The following GNG7 variants were observed in gnomAD, a reference collection of about 807,000 sequenced individuals.
GNG7 encodes the protein guanine nucleotide-binding protein G(I)/G(S)/G(O) subunit gamma-7.
In GNG7, 1 loss-of-function variant was observed where a neutral mutation model predicts 4.0. The ratio of observed to expected loss-of-function variants is 0.25; its 90% CI spans 0.09 to 1.18. The LOEUF (loss-of-function observed/expected upper bound fraction) is 1.18. GNG7 is among the 50% of genes most tolerant of loss of function. GNG7 has a pLI of 0.50. For synonymous variants in GNG7, 34 were observed against 36.9 expected (o/e 0.92, Z 0.29); for missense variants, 86 against 91.9 (o/e 0.94, Z 0.26).
At chr19:2,581,144 T>C (rs1325315792) in intron 2 of GNG7, among the ~76,000 whole-genome samples, 3 of 152,006 alleles carry the variant, frequency 2.0e-5, no homozygotes, top group Non-Finnish European at 4.4e-5. Flanking sequence ...AAGACTTCCA[T>C]GAACGCTGTG....
At chr19:2,657,361 A>AAAAAAATATATATAT (rs1555701153) in intron 1 of GNG7, among the ~76,000 whole-genome samples, 1 of 16,322 alleles carries the variant, frequency 6.1e-5, no homozygotes, top group Non-Finnish European at 1.0e-4. Context: ...AAAAAAAAAA[A>AAAAAAATATATATAT]ATATATATAT....
At chr19:2,561,774 G>A (rs1303175675) in intron 2 of GNG7, among the ~76,000 whole-genome samples, 6 of 151,580 alleles carry the variant, frequency 4.0e-5, no homozygotes, top group Non-Finnish European at 8.8e-5. Flanking sequence ...CCAGCTACTC[G>A]GGAGGCTGAG....
At chr19:2,585,115 A>G (rs1016561613) in intron 2 of GNG7, among the ~76,000 whole-genome samples, 2 of 64,776 alleles carry the variant, frequency 3.1e-5, no homozygotes, top group Non-Finnish European at 5.3e-5. Flanking sequence ...AAGGAAGGAA[A>G]GAAGGTAGGA....
intron 1 of GNG7, among the ~76,000 whole-genome samples, chr19:2,663,940 G>A (rs1376960203): frequency 6.6e-6 from 1 of 152,144 alleles, no homozygotes; most frequent in Non-Finnish European, 1.5e-5. Context: ...TCCAGGCCAG[G>A]AGCACCCCCA....
At chr19:2,679,618 A>AG (rs1213620077) in intron 1 of GNG7, among the ~76,000 whole-genome samples, 2 of 152,172 alleles carry the variant, frequency 1.3e-5, no homozygotes, top group Non-Finnish European at 2.9e-5. Context: ...TACATTCCAG[A>AG]AAACTCTAGA....
At chr19:2,529,580 A>C (rs1280675307) in intron 3 of GNG7, among the ~76,000 whole-genome samples, 1 of 152,178 alleles carries the variant, frequency 6.6e-6, no homozygotes, top group Non-Finnish European at 1.5e-5. Flanking sequence ...TCTGAGCCAT[A>C]GGGTAAAGGT....
At chr19:2,598,448 G>C (rs28463565) in intron 2 of GNG7, among the ~76,000 whole-genome samples, 2,451 of 151,194 alleles carry the variant, frequency 0.016, 86 homozygotes, top group African/African-American at 0.056. Flanking sequence ...ACGAGGTCAG[G>C]AGATCGAGAC....
chr19:2,624,561 GAAAA>G (rs1981967913), intron 2 of GNG7, among the ~76,000 whole-genome samples: 2 of 150,970 alleles, frequency 1.3e-5, no homozygotes, highest in African/African-American at 2.4e-5. Flanking sequence ...AAGAAAAAAA[GAAAA>G]GAAAGAAAGA....
rs748111375 is a variant in GNG7 at position 2,511,974 on chromosome 19, C to A, written c.*3048G>T. 1.4e-5 allele frequency: 14 copies of A among 985,748 alleles called. No individual in the cohort carries two copies. The highest frequency in any genetic ancestry group is 1.7e-5 in the Non-Finnish European group (14 of 829,966). The allele number at this position is 985,748 out of a possible 1,614,324, so 61.1% of individuals were successfully genotyped here. A position where few individuals can be genotyped will look rare whatever the true frequency, so the allele number is the denominator to read the frequency against. The stretch of plus-strand genomic sequence containing the variant: ...GGGTCGGGGCCTGGCCCGCTGTGGC[C>A]CTTCACCTGGCTACTGGTGTCTCGC... On this transcript the variant is annotated 3_prime_UTR_variant, in exon 5 of 5. Transcript: ENST00000382159. This position sits in a 1 kb window ranked among gnomAD's most constrained non-coding sequence, Gnocchi z 6.3.
intron 3 of GNG7, among the ~76,000 whole-genome samples, chr19:2,527,874 T>C (rs1156325919): frequency 6.6e-6 from 1 of 151,742 alleles, no homozygotes; most frequent in African/African-American, 2.4e-5. Context: ...TTTATGGAAC[T>C]CCCTTATCAG....
At chr19:2,661,997 C>T (rs1014913306) in intron 1 of GNG7, among the ~76,000 whole-genome samples, 7 of 152,136 alleles carry the variant, frequency 4.6e-5, no homozygotes, top group Non-Finnish European at 8.8e-5. Flanking sequence ...CAGTGGCTCA[C>T]GCCTGTAATC....
intron 2 of GNG7, among the ~76,000 whole-genome samples, chr19:2,581,623 G>A (rs1980508110): frequency 6.6e-6 from 1 of 152,296 alleles, no homozygotes; most frequent in East Asian, 1.9e-4. Context: ...CCACCCTGCA[G>A]GGATGGGACA....
At chr19:2,572,464 G>A (rs1276037863) in intron 2 of GNG7, among the ~76,000 whole-genome samples, 2 of 150,758 alleles carry the variant, frequency 1.3e-5, no homozygotes, top group African/African-American at 2.4e-5. Context: ...ACGGAGTCTC[G>A]CTCTGTCGCC....
intron 2 of GNG7, among the ~76,000 whole-genome samples, chr19:2,563,868 C>T (rs184368735): frequency 5.6e-4 from 85 of 152,170 alleles, no homozygotes; most frequent in African/African-American, 1.8e-3. Flanking sequence ...TTTAAACCTT[C>T]GCACCCAAAC....
chr19:2,679,701 C>T (rs912981934), intron 1 of GNG7, among the ~76,000 whole-genome samples: 5 of 152,186 alleles, frequency 3.3e-5, no homozygotes, highest in Admixed American at 2.0e-4. Context: ...TCACTTTTTA[C>T]ATATCCTATT....
intron 2 of GNG7, among the ~76,000 whole-genome samples, chr19:2,561,655 A>G (rs1599392088): frequency 6.6e-6 from 1 of 151,286 alleles, no homozygotes; most frequent in Admixed American, 6.6e-5. Flanking sequence ...AGGCGGGTGG[A>G]TCACCTGAAG....
chr19:2,616,113 A>T (rs1459700459), intron 2 of GNG7, among the ~76,000 whole-genome samples: 1 of 152,170 alleles, frequency 6.6e-6, no homozygotes, highest in Non-Finnish European at 1.5e-5. Context: ...CATTGATTAA[A>T]CACAGCTGGT....
intron 1 of GNG7, among the ~76,000 whole-genome samples, chr19:2,671,046 A>G (rs1983439569): frequency 6.6e-6 from 1 of 151,416 alleles, no homozygotes; most frequent in Non-Finnish European, 1.5e-5. Flanking sequence ...AGCAGACTCG[A>G]TATTTTTCCA....
At chr19:2,665,717 G>A (rs1005511226) in intron 1 of GNG7, among the ~76,000 whole-genome samples, 3 of 152,104 alleles carry the variant, frequency 2.0e-5, no homozygotes, top group South Asian at 2.1e-4. Flanking sequence ...AATGCACATC[G>A]AAGCAGCATC....
Sources: gnomAD v4.1 joint callset for allele counts (sites outside exome capture counted in the v4.1 genomes callset) on GRCh38, gnomAD v4.1.1 for gene constraint, Gnocchi (gnomAD v3.1) non-coding constraint, MANE v1.5 for transcripts, NCBI Gene and HGNC (gene_info 2026-07-23, HGNC 2026-07-21) for gene names.